ETV6: variants seen among roughly 807,000 people sequenced by gnomAD.
ETV6 encodes the protein ETS variant transcription factor 6.
In ETV6, 16 loss-of-function variants were observed where a neutral mutation model predicts 51.1. That is an observed-to-expected ratio of 0.31 (90% CI 0.21 to 0.48). The LOEUF (loss-of-function observed/expected upper bound fraction) is 0.48. Among genes scored for constraint, ETV6 ranks in the 20% least tolerant of loss-of-function variants. The probability of loss-of-function intolerance (pLI) is 0.99; values close to 1 mark genes in which losing one functional copy is unlikely to be tolerated. For missense variants in ETV6, 458 were observed against 594.8 expected, an observed-to-expected ratio of 0.77 and a Z score of 2.39; for synonymous variants, 240 against 224.1, an observed-to-expected ratio of 1.07 and a Z score of -0.64.
At chr12:11,678,014 C>A (rs940326853) in intron 1 of ETV6, among the ~76,000 whole-genome samples, 2 of 152,184 alleles carry the variant, frequency 1.3e-5, no homozygotes, top group Middle Eastern at 3.2e-3. Context: ...TGTGCCAAAC[C>A]CTTTGGATGA....
chr12:11,782,291 C>T (rs575454666), intron 2 of ETV6, among the ~76,000 whole-genome samples: 4 of 151,830 alleles, frequency 2.6e-5, no homozygotes, highest in African/African-American at 9.7e-5. Flanking sequence ...GAACAATCTT[C>T]GTGGGTCAGT....
At chr12:11,826,760 G>C (rs1015208947) in intron 2 of ETV6, among the ~76,000 whole-genome samples, 1 of 152,206 alleles carries the variant, frequency 6.6e-6, no homozygotes, top group Non-Finnish European at 1.5e-5. Context: ...GGGCCTCCCA[G>C]TATGAGCCTT....
At chr12:11,782,676 C>T (rs1199055931) in intron 2 of ETV6, among the ~76,000 whole-genome samples, 1 of 152,162 alleles carries the variant, frequency 6.6e-6, no homozygotes, top group Non-Finnish European at 1.5e-5. Context: ...GTATTGACTA[C>T]AGAGTGAGAC....
intron 1 of ETV6, among the ~76,000 whole-genome samples, chr12:11,677,813 A>G (rs1864449930): frequency 6.6e-6 from 1 of 152,236 alleles, no homozygotes; most frequent in African/African-American, 2.4e-5. Flanking sequence ...TAGTGTTTCC[A>G]AGAGCATCTA....
intron 2 of ETV6, among the ~76,000 whole-genome samples, chr12:11,827,564 G>A (rs1753864821): frequency 6.6e-6 from 1 of 151,776 alleles, no homozygotes; most frequent in Admixed American, 6.6e-5. Context: ...CACACCTCCT[G>A]TCCACCTCCA....
intron 1 of ETV6, among the ~76,000 whole-genome samples, chr12:11,750,166 T>C (rs1865994670): frequency 6.6e-6 from 1 of 152,198 alleles, no homozygotes; most frequent in African/African-American, 2.4e-5. Context: ...CACCGTAAGG[T>C]CAGGGAACCA....
At chr12:11,759,692 A>C (rs909458404) in intron 2 of ETV6, among the ~76,000 whole-genome samples, 1 of 152,052 alleles carries the variant, frequency 6.6e-6, no homozygotes, top group Non-Finnish European at 1.5e-5. Flanking sequence ...CAGATTGAGG[A>C]GTTCCTGTCC....
Position 11,650,099 on chromosome 12 carries a change from G to C in ETV6, c.-29G>C, listed in dbSNP as rs764657313. 4 of 1,612,134 alleles carry C rather than the reference G, an allele frequency of 2.5e-6. No individual in the cohort carries two copies. In the South Asian group the frequency reaches 3.3e-5, roughly 13 times the overall value. ...GGAAAGGAAAGTGGAAAAAACCTGA[G>C]AACTTCCTGATCTCTCTCGCTGTGA... On this transcript the variant is annotated 5_prime_UTR_variant, in exon 1 of 8. Coordinates refer to ENST00000396373, the MANE Select transcript of ETV6 (RefSeq NM_001987.5).
chr12:11,706,100 C>T (rs74060803), intron 1 of ETV6, among the ~76,000 whole-genome samples: 1,989 of 152,328 alleles, frequency 0.013, 45 homozygotes, highest in African/African-American at 0.045. Flanking sequence ...AGGAAGCGAA[C>T]GTTCCTTCTG....
intron 3 of ETV6, among the ~76,000 whole-genome samples, chr12:11,852,234 C>T (rs1003102020): frequency 6.6e-6 from 1 of 152,154 alleles, no homozygotes; most frequent in Non-Finnish European, 1.5e-5. Context: ...GCTAATTACT[C>T]GTGGACACTT....
In ETV6 at chr12:11,869,572, C is replaced by G. The variant is rs770038030; in HGVS notation, c.612C>G (p.Pro204=). The G allele has an allele frequency of 4.3e-5, 70 of 1,614,064 alleles. No individual in the cohort carries two copies. Among genetic ancestry groups the G allele is most frequent in the African/African-American group, 9.3e-5 (7 of 74,920 alleles). The stretch of plus-strand genomic sequence containing the variant: ...CCGAGCAGCGGCCCCTCCGGTCCCC[C>G]CTGGACAACATGATCCGCCGCCTCT... ...PDPEQRPLRS[P]LDNMIRRLSP... is the part of the protein sequence containing the mutation. Residue 204 remains proline (P), a synonymous_variant, in exon 5 of 8, where the codon CCC becomes CCG. Transcript: ENST00000396373. The surrounding 1 kb of genome is among the most constrained non-coding windows in gnomAD (Gnocchi z 5.0).
At chr12:11,884,081 A>T (rs1316843134) in intron 5 of ETV6, among the ~76,000 whole-genome samples, 1 of 152,124 alleles carries the variant, frequency 6.6e-6, no homozygotes, top group Non-Finnish European at 1.5e-5. Context: ...TCCAGCCTGC[A>T]TTTAACACAC....
chr12:11,823,639 T>C (rs1220745422), intron 2 of ETV6, among the ~76,000 whole-genome samples: 1 of 152,100 alleles, frequency 6.6e-6, no homozygotes, highest in East Asian at 1.9e-4. Flanking sequence ...GCTAATTTTT[T>C]GTATTTTCAG....
intron 2 of ETV6, among the ~76,000 whole-genome samples, chr12:11,805,957 CA>C (rs1175376087): frequency 7.2e-5 from 11 of 152,158 alleles, no homozygotes; most frequent in Non-Finnish European, 1.5e-4. Context: ...TTAAGACTGT[CA>C]TATTTGTTTG....
At chr12:11,698,206 A>G (rs1320881498) in intron 1 of ETV6, among the ~76,000 whole-genome samples, 1 of 152,210 alleles carries the variant, frequency 6.6e-6, no homozygotes, top group Admixed American at 6.5e-5. Flanking sequence ...TCATAGAAAT[A>G]CGTGTGTATT....
At chr12:11,838,639 T>C (rs903593089) in intron 2 of ETV6, among the ~76,000 whole-genome samples, 3 of 152,194 alleles carry the variant, frequency 2.0e-5, no homozygotes, top group Non-Finnish European at 2.9e-5. Context: ...CTCTGGAAGG[T>C]CAAGCTCAGC....
rs527554565 is a variant in ETV6, at chr12:11,666,370, G to A, written c.33+16210G>A. Among the ~76,000 whole-genome samples, 4 of 152,308 alleles carry A rather than the reference G, an allele frequency of 2.6e-5. No homozygotes were observed. In the South Asian group the frequency reaches 8.3e-4, roughly 32 times the overall value. On this transcript the variant is annotated intron_variant, in intron 1 of 7. Transcript: ENST00000396373. Reference sequence around the variant, plus strand: ...TTTTACTCCTAATGGGTTGCCTGGAGGGACTAAACCAGTGAGAATGACTGG... The same window carrying A: ...TTTTACTCCTAATGGGTTGCCTGGAAGGACTAAACCAGTGAGAATGACTGG...
chr12:11,872,632 T>TA (rs1158253377), intron 5 of ETV6, among the ~76,000 whole-genome samples: 1 of 151,964 alleles, frequency 6.6e-6, no homozygotes, highest in Non-Finnish European at 1.5e-5. Flanking sequence ...TAGCAGGGAT[T>TA]ACAGGCACAC....
intron 2 of ETV6, among the ~76,000 whole-genome samples, chr12:11,826,229 G>A (rs1946151610): frequency 6.6e-6 from 1 of 151,970 alleles, no homozygotes; most frequent in South Asian, 2.1e-4. Flanking sequence ...CCAACCTCAG[G>A]GGAGCATTTT....
Sources: allele counts gnomAD v4.1 joint callset (sites outside exome capture counted in the v4.1 genomes callset), GRCh38; gene constraint gnomAD v4.1.1; non-coding constraint Gnocchi (gnomAD v3.1); transcripts MANE v1.5; gene names NCBI Gene and HGNC (gene_info 2026-07-23, HGNC 2026-07-21).